The following WDPCP variants were observed in gnomAD, a reference collection of about 807,000 sequenced individuals.
WDPCP encodes WD repeat containing planar cell polarity effector.
Under a neutral mutation model 93.1 loss-of-function variants are expected in WDPCP, and 71 were observed. The observed-to-expected ratio is 0.76, with a 90% CI of 0.63 to 0.93. The LOEUF is 0.93. Ranked by LOEUF, WDPCP falls within the 40% of genes least tolerant of loss-of-function variation. The probability of loss-of-function intolerance (pLI) is 0.00; values close to 1 mark genes in which losing one functional copy is unlikely to be tolerated. For synonymous variants in WDPCP, 315 were observed against 315.0 expected, an observed-to-expected ratio of 1.00 and a Z score of 0.00; for missense variants, 844 against 887.4, an observed-to-expected ratio of 0.95 and a Z score of 0.62.
intron 2 of WDPCP, among the ~76,000 whole-genome samples, chr2:63,783,838 G>A (rs569647848): frequency 3.4e-4 from 52 of 152,176 alleles, no homozygotes; most frequent in African/African-American, 1.2e-3. Flanking sequence ...TTTAAGTGAT[G>A]GAGACACTAA....
chr2:63,411,943 C>T (rs913993241), intron 9 of WDPCP, among the ~76,000 whole-genome samples: 4 of 152,160 alleles, frequency 2.6e-5, no homozygotes, highest in South Asian at 2.1e-4. Context: ...AGAATTCTAA[C>T]GGACATTCAA....
At chr2:63,837,150 T>C in the WDPCP span, among the ~76,000 whole-genome samples, 1 of 152,362 alleles carries the variant, frequency 6.6e-6, no homozygotes, top group African/African-American at 2.4e-5. Flanking sequence ...AACAGGGTGT[T>C]GGCAACAGGA....
intron 13 of WDPCP, among the ~76,000 whole-genome samples, chr2:63,296,842 A>G (rs1350103671): frequency 1.3e-5 from 2 of 152,250 alleles, no homozygotes; most frequent in African/African-American, 2.4e-5. Context: ...TTGAAAAATC[A>G]GTATTGTTAA....
At chr2:63,543,457 T>C (rs1489976649) in intron 1 of WDPCP, among the ~76,000 whole-genome samples, 2 of 152,098 alleles carry the variant, frequency 1.3e-5, no homozygotes, top group Non-Finnish European at 2.9e-5. Flanking sequence ...AAAACACAGA[T>C]GGCTTTTCTT....
chr2:63,462,472 A>G (rs1236623721), intron 6 of WDPCP, among the ~76,000 whole-genome samples: 1 of 152,216 alleles, frequency 6.6e-6, no homozygotes, highest in Non-Finnish European at 1.5e-5. Flanking sequence ...CACGTTGTGC[A>G]CATGTACCCT....
In WDPCP at chr2:63,433,794, T is replaced by C. The variant is rs1213265788; in HGVS notation, c.776A>G (p.Lys259Arg). ...CAGGAGGAGTAGATTGGCTCTGTCC[T>C]TCTCAGAAGAAATGGGGGCCCAAGG... ...AWPWAPISSE[K>R]DRANLLLLGY... The change falls in exon 9 of 18, where the codon AAG becomes AGG. Residue 259 changes from lysine to arginine, a missense_variant. Transcript: ENST00000272321. 1.9e-6 allele frequency: 3 copies of C among 1,612,326 alleles called. No individual in the cohort carries two copies. The East Asian group carries it at 6.7e-5, about 36-fold the overall frequency.
chr2:63,831,473 A>G (rs1250645035), upstream of WDPCP, among the ~76,000 whole-genome samples: 1 of 152,176 alleles, frequency 6.6e-6, no homozygotes, highest in Non-Finnish European at 1.5e-5. Flanking sequence ...CACTTGAGAC[A>G]TAAAGAATAT....
At chr2:63,829,154 C>T (rs1470660024), upstream of WDPCP, among the ~76,000 whole-genome samples, 1 of 152,032 alleles carries the variant, frequency 6.6e-6, no homozygotes, top group Non-Finnish European at 1.5e-5. Flanking sequence ...CTTTATTGAC[C>T]AAAACTCAAG....
At chr2:63,242,796 C>A (rs1485714613) in intron 14 of WDPCP, among the ~76,000 whole-genome samples, 1 of 152,086 alleles carries the variant, frequency 6.6e-6, no homozygotes, top group African/African-American at 2.4e-5. Context: ...GGGATATGTA[C>A]AGAAGTGATA....
chr2:63,558,786 ACAAATGGCCTACCAAC>A (rs1442648523), intron 1 of WDPCP, among the ~76,000 whole-genome samples: 2 of 145,898 alleles, frequency 1.4e-5, no homozygotes, highest in Non-Finnish European at 3.0e-5. Flanking sequence ...TGAGGCAGCA[ACAAATGGCCTACCAAC>A]CAAAAAAACG....
chr2:63,277,310 A>G (rs371736664), intron 13 of WDPCP, among the ~76,000 whole-genome samples: 2 of 152,204 alleles, frequency 1.3e-5, no homozygotes, highest in African/African-American at 2.4e-5. Context: ...CTACATAACA[A>G]TAACACAATG....
chr2:63,602,151 A>G (rs1209366770), intron 3 of WDPCP, among the ~76,000 whole-genome samples: 4 of 152,196 alleles, frequency 2.6e-5, no homozygotes, highest in Non-Finnish European at 5.9e-5. Flanking sequence ...CACAAACATA[A>G]ATTTTTAAGT....
At chr2:63,795,719 C>T (rs1241991165) in intron 2 of WDPCP, among the ~76,000 whole-genome samples, 1 of 152,108 alleles carries the variant, frequency 6.6e-6, no homozygotes, top group African/African-American at 2.4e-5. Flanking sequence ...CTTGGCCTTC[C>T]AAAGTGCTGG....
Position 63,789,481 on chromosome 2 carries a change from T to G in WDPCP, n.308+24141A>C, listed in dbSNP as rs149712110. On this transcript the variant is annotated intron_variant and non_coding_transcript_variant, in intron 2 of 4. Coordinates refer to the WDPCP transcript ENST00000467687. Reference sequence around the variant, plus strand: ...GACTTCATACTCAGCTTAGTGAAAGTAGAGTCAGCCTATGCTGAGAGTTCT... The same window carrying G: ...GACTTCATACTCAGCTTAGTGAAAGGAGAGTCAGCCTATGCTGAGAGTTCT... 2.1e-4 allele frequency among the ~76,000 whole-genome samples: 32 copies of G among 152,248 alleles called. No homozygotes were observed. The South Asian group carries it at 3.1e-3, about 15-fold the overall frequency.
intron 2 of WDPCP, among the ~76,000 whole-genome samples, chr2:63,741,205 T>G (rs1303476362): frequency 2.0e-5 from 3 of 152,164 alleles, no homozygotes; most frequent in South Asian, 4.1e-4. Flanking sequence ...TGCTGTAAGC[T>G]GATCCTTCAA....
intron 14 of WDPCP, among the ~76,000 whole-genome samples, chr2:63,199,820 C>T (rs1052350412): frequency 6.6e-6 from 1 of 152,186 alleles, no homozygotes; most frequent in Non-Finnish European, 1.5e-5. Flanking sequence ...CCCCCAGACC[C>T]CAGAATGGTA....
intron 14 of WDPCP, 93 bp from the exon 15 acceptor site, chr2:63,174,925 C>A (rs1238750620): frequency 7.2e-7 from 1 of 1,380,278 alleles, no homozygotes; most frequent in Non-Finnish European, 1.0e-6. Flanking sequence ...TTCACATATC[C>A]CAGTGGAACT....
At chr2:63,578,545 T>C (rs1222094303) in intron 1 of WDPCP, among the ~76,000 whole-genome samples, 1 of 151,982 alleles carries the variant, frequency 6.6e-6, no homozygotes, top group Non-Finnish European at 1.5e-5. Context: ...CTCACCTGAG[T>C]GGACTGGGAA....
intron 3 of WDPCP, among the ~76,000 whole-genome samples, chr2:63,617,708 C>G (rs867888824): frequency 6.6e-6 from 1 of 152,076 alleles, no homozygotes. Context: ...GGAACAAATA[C>G]CTTTACTAAT....
Sources: gnomAD v4.1 joint callset for allele counts (sites outside exome capture counted in the v4.1 genomes callset) on GRCh38, gnomAD v4.1.1 for gene constraint, MANE v1.5 for transcripts, NCBI Gene and HGNC (gene_info 2026-07-23, HGNC 2026-07-21) for gene names.